RANBP2: variants seen among roughly 807,000 people sequenced by gnomAD.
The protein encoded by RANBP2 is RAN binding protein 2.
In RANBP2, 57 loss-of-function variants were observed where a neutral mutation model predicts 303.6. The observed-to-expected ratio is 0.19, with a 90% CI of 0.15 to 0.23. The LOEUF (loss-of-function observed/expected upper bound fraction) is 0.23, where lower values mean the gene tolerates loss of function less well. Ranked by LOEUF, RANBP2 falls within the 10% of genes least tolerant of loss-of-function variation. The probability of loss-of-function intolerance (pLI) is 1.00; values close to 1 mark genes in which losing one functional copy is unlikely to be tolerated. For missense variants in RANBP2, 3,138 were observed against 3,780.8 expected (o/e 0.83, Z 4.46); for synonymous variants, 1,167 against 1,301.5 (o/e 0.90, Z 2.23).
chr2:108,978,080 A>G, the RANBP2 span, among the ~76,000 whole-genome samples: 1 of 152,224 alleles, frequency 6.6e-6, no homozygotes, highest in African/African-American at 2.4e-5. Context: ...GCACTGACAT[A>G]GGGAAGAGCC....
At chr2:108,776,370 TA>T (rs1677893832) in intron 24 of RANBP2, among the ~76,000 whole-genome samples, 1 of 152,226 alleles carries the variant, frequency 6.6e-6, no homozygotes, top group African/African-American at 2.4e-5. Flanking sequence ...TTATTTTCTC[TA>T]ATACTTTTAA....
At chr2:109,042,166 G>A in the RANBP2 span, among the ~76,000 whole-genome samples, 1 of 152,038 alleles carries the variant, frequency 6.6e-6, no homozygotes, top group African/African-American at 2.4e-5. Context: ...TCTTTTCCTA[G>A]TCTCAGAGCA....
At chr2:109,251,578 C>A in the RANBP2 span, 1 of 879,154 alleles carries the variant, frequency 1.1e-6, no homozygotes, top group Non-Finnish European at 2.0e-6. Flanking sequence ...GACTGGTGGG[C>A]AACAGAACAA....
At chr2:109,363,876 CTTTCAGGATTT>C in the RANBP2 span, among the ~76,000 whole-genome samples, 1 of 152,120 alleles carries the variant, frequency 6.6e-6, no homozygotes, top group African/African-American at 2.4e-5. Flanking sequence ...CCTCTGACTT[CTTTCAGGATTT>C]TTTCTTTATC....
chr2:109,261,669 C>T, the RANBP2 span, among the ~76,000 whole-genome samples: 1 of 152,134 alleles, frequency 6.6e-6, no homozygotes, highest in African/African-American at 2.4e-5. Context: ...GGCCCCATGA[C>T]GACAGGTAAA....
chr2:109,570,673 C>T, the RANBP2 span, among the ~76,000 whole-genome samples: 5 of 151,812 alleles, frequency 3.3e-5, no homozygotes, highest in South Asian at 1.0e-3. Context: ...AGGTGCCTGC[C>T]ACCATGCCCA....
chr2:109,270,788 C>T, the RANBP2 span, among the ~76,000 whole-genome samples: 1 of 152,160 alleles, frequency 6.6e-6, no homozygotes, highest in Non-Finnish European at 1.5e-5. Flanking sequence ...CCAGGCATAC[C>T]TGCCCATGGA....
chr2:109,094,770 C>A, the RANBP2 span, among the ~76,000 whole-genome samples: 1 of 151,864 alleles, frequency 6.6e-6, no homozygotes, highest in South Asian at 2.1e-4. Context: ...GTGGAGGTTG[C>A]GGTGAGCCGA....
At chr2:109,075,106 C>T in the RANBP2 span, among the ~76,000 whole-genome samples, 1 of 143,718 alleles carries the variant, frequency 7.0e-6, no homozygotes, top group East Asian at 2.0e-4. Context: ...CCTTAAGGAA[C>T]TAGAAAAGGA....
chr2:109,088,265 C>T, the RANBP2 span, among the ~76,000 whole-genome samples: 9 of 151,744 alleles, frequency 5.9e-5, no homozygotes, highest in East Asian at 2.0e-4. Context: ...GGCATGGTGG[C>T]GCGCGCCTGT....
At chr2:108,845,853 G>A in the RANBP2 span, among the ~76,000 whole-genome samples, 2 of 152,156 alleles carry the variant, frequency 1.3e-5, no homozygotes, top group African/African-American at 4.8e-5. Flanking sequence ...TTACAGGCGT[G>A]AGCCACCGCG....
chr2:109,034,809 C>T, the RANBP2 span, among the ~76,000 whole-genome samples: 1 of 152,352 alleles, frequency 6.6e-6, no homozygotes, highest in South Asian at 2.1e-4. Context: ...AACCCCTCTC[C>T]TGTACAGAGC....
chr2:108,823,015 A>G, the RANBP2 span, among the ~76,000 whole-genome samples: 2 of 152,248 alleles, frequency 1.3e-5, no homozygotes, highest in African/African-American at 4.8e-5. Context: ...CAATGTTATC[A>G]ACAATTGCAT....
chr2:109,120,305 T>C, the RANBP2 span, among the ~76,000 whole-genome samples: 2 of 152,192 alleles, frequency 1.3e-5, no homozygotes, highest in Non-Finnish European at 2.9e-5. Context: ...AACCAGGGCT[T>C]TGGTGGATGA....
the RANBP2 span, among the ~76,000 whole-genome samples, chr2:109,168,383 GA>G: frequency 6.6e-6 from 1 of 152,180 alleles, no homozygotes; most frequent in Non-Finnish European, 1.5e-5. Context: ...GAGATGAATG[GA>G]AAAATATGAT....
At chr2:109,417,016 G>A in the RANBP2 span, among the ~76,000 whole-genome samples, 1 of 152,050 alleles carries the variant, frequency 6.6e-6, no homozygotes, top group Non-Finnish European at 1.5e-5. Context: ...GGCCAGTTCC[G>A]ACTGCCAGGT....
At chr2:109,212,714 A>G in the RANBP2 span, among the ~76,000 whole-genome samples, 4 of 152,202 alleles carry the variant, frequency 2.6e-5, no homozygotes, top group African/African-American at 7.2e-5. Flanking sequence ...ATTGTTGTAT[A>G]ATAAAGACCC....
At chr2:108,947,098 G>A in the RANBP2 span, among the ~76,000 whole-genome samples, 1 of 152,184 alleles carries the variant, frequency 6.6e-6, no homozygotes, top group Non-Finnish European at 1.5e-5. Context: ...TTCCAAATGG[G>A]AAAAATTGGC....
the RANBP2 span, among the ~76,000 whole-genome samples, chr2:109,510,730 C>T: frequency 6.6e-6 from 1 of 152,210 alleles, no homozygotes; most frequent in East Asian, 1.9e-4. Context: ...TGGGGAAGGG[C>T]CCCGTCTGAC....
Sources: gnomAD v4.1 joint callset for allele counts (sites outside exome capture counted in the v4.1 genomes callset) on GRCh38, gnomAD v4.1.1 for gene constraint, MANE v1.5 for transcripts, NCBI Gene and HGNC (gene_info 2026-07-23, HGNC 2026-07-21) for gene names.